RBM6: variants seen among roughly 807,000 people sequenced by gnomAD.
The protein encoded by RBM6 is RNA-binding protein 6.
Under a neutral mutation model 140.4 loss-of-function variants are expected in RBM6, and 23 were observed. That is an observed-to-expected ratio of 0.16 (90% CI 0.12 to 0.23). RBM6 has a LOEUF of 0.23. RBM6 is among the 10% of genes least tolerant of loss of function. The pLI is 1.00. For synonymous variants in RBM6, 439 were observed against 475.6 expected, an observed-to-expected ratio of 0.92 and a Z score of 1.00; for missense variants, 1,139 against 1,386.7, an observed-to-expected ratio of 0.82 and a Z score of 2.84.
In RBM6 at chr3:49,962,726, A is replaced by G. The variant is rs1252141909; in HGVS notation, c.44+41A>G. On this transcript the variant is annotated intron_variant, in intron 2 of 20. Transcript: ENST00000266022. ...TGAATATTGAAATTGCCAGTATTTT[A>G]ATTATAAATGTGTAACATTTTCGCC... The G allele has an allele frequency of 4.0e-6, 6 of 1,484,424 alleles. 1 individual carries two copies. Among genetic ancestry groups the G allele is most frequent in the Non-Finnish European group, 9.1e-7 (1 of 1,100,738 alleles). 92.0% of individuals were successfully genotyped at this position (1,484,424 alleles called of 1,614,324 possible). A position where few individuals can be genotyped will look rare whatever the true frequency, so the allele number is the denominator to read the frequency against.
intron 6 of RBM6, among the ~76,000 whole-genome samples, chr3:50,014,895 A>T (rs2108776928): frequency 6.6e-6 from 1 of 151,982 alleles, no homozygotes; most frequent in Admixed American, 6.6e-5. Context: ...AAAACAATAC[A>T]AAAATTAGCC....
In RBM6 at chr3:50,044,601, G is replaced by A. The variant is rs1402282444; in HGVS notation, c.1558-3644G>A. 3.3e-5 allele frequency among the ~76,000 whole-genome samples: 5 copies of A among 151,844 alleles called. No homozygotes were observed. In the East Asian group the frequency reaches 9.7e-4, roughly 29 times the overall value. ...CGTCTCAAAAAAAAAAAAAAAGAAT[G>A]GACATCTACTGAAGGTGATTGCATC... On this transcript the variant is annotated intron_variant, in intron 6 of 20. Coordinates refer to ENST00000266022, the MANE Select transcript of RBM6 (RefSeq NM_005777.3).
chr3:50,070,081 G>GTGCGGTGGCTCACACC (rs1225967553), intron 18 of RBM6, among the ~76,000 whole-genome samples: 3 of 152,150 alleles, frequency 2.0e-5, no homozygotes, highest in African/African-American at 7.2e-5. Context: ...ACAAGGCCGG[G>GTGCGGTGGCTCACACC]TGCGGTGGCT....
Position 50,070,508 on chromosome 3 carries a change from C to T in RBM6, c.3072C>T (p.Asp1024=). 6.2e-7 allele frequency: 1 copy of T among 1,614,074 alleles called. No homozygotes were observed. The highest frequency in any genetic ancestry group is 8.5e-7 in the Non-Finnish European group (1 of 1,179,946). Residue 1024 remains aspartate, a synonymous_variant, in exon 19 of 21, where the codon GAC becomes GAT. Transcript: ENST00000266022. ...GCAGGGAAAAGCTCCAGTCTTTTGACTCTCCAGAAAGGAAACGGATTAAGT... is the reference window on the plus strand; with the variant it reads ...GCAGGGAAAAGCTCCAGTCTTTTGATTCTCCAGAAAGGAAACGGATTAAGT... ...NDRREKLQSF[D]SPERKRIKYS...
intron 8 of RBM6, among the ~76,000 whole-genome samples, chr3:50,055,967 A>G (rs543149005): frequency 6.6e-6 from 1 of 152,316 alleles, no homozygotes; most frequent in East Asian, 1.9e-4. Context: ...GCATGACCAT[A>G]AAATATAGTT....
At chr3:50,039,691 GT>G (rs2088766579) in intron 6 of RBM6, among the ~76,000 whole-genome samples, 1 of 152,162 alleles carries the variant, frequency 6.6e-6, no homozygotes, top group South Asian at 2.1e-4. Flanking sequence ...CAGTTTTTCA[GT>G]TGTTCTGAGT....
intron 6 of RBM6, among the ~76,000 whole-genome samples, chr3:50,034,685 C>T (rs1257349171): frequency 2.0e-5 from 3 of 151,870 alleles, no homozygotes; most frequent in African/African-American, 4.8e-5. Flanking sequence ...TGCTTGAACC[C>T]GGGAGGCGGA....
chr3:49,965,669 C>CAA (rs764237339), intron 2 of RBM6, among the ~76,000 whole-genome samples: 3 of 107,970 alleles, frequency 2.8e-5, no homozygotes, highest in African/African-American at 3.5e-5. Context: ...GACTCCGTCT[C>CAA]AAAAAAAAAA....
intron 6 of RBM6, among the ~76,000 whole-genome samples, chr3:50,030,411 A>G (rs1389329733): frequency 6.6e-6 from 1 of 151,906 alleles, no homozygotes; most frequent in African/African-American, 2.4e-5. Flanking sequence ...TGACAGTAGG[A>G]CCTCTAGAAA....
intron 6 of RBM6, among the ~76,000 whole-genome samples, chr3:50,018,200 C>T (rs1361715075): frequency 6.6e-6 from 1 of 152,086 alleles, no homozygotes; most frequent in Non-Finnish European, 1.5e-5. Context: ...CTTGCAAACC[C>T]CTGCAACCAC....
intron 1 of RBM6, among the ~76,000 whole-genome samples, chr3:49,957,863 G>A (rs1166545155): frequency 6.9e-6 from 1 of 145,788 alleles, no homozygotes; most frequent in Non-Finnish European, 1.5e-5. Context: ...ATGGAGTCTC[G>A]CTCTTTCGCC....
At chr3:49,971,569 G>A (rs1170838782) in intron 3 of RBM6, among the ~76,000 whole-genome samples, 1 of 143,184 alleles carries the variant, frequency 7.0e-6, no homozygotes, top group Non-Finnish European at 1.5e-5. Context: ...CGGGGGTCTC[G>A]CTCTGTCACC....
intron 3 of RBM6, among the ~76,000 whole-genome samples, chr3:49,970,710 T>C (rs998219045): frequency 6.6e-6 from 1 of 152,150 alleles, no homozygotes; most frequent in Admixed American, 6.5e-5. Flanking sequence ...TTAAAGTAGA[T>C]TTGGCTGGGT....
chr3:50,051,377 C>T (rs1308608010), intron 7 of RBM6, among the ~76,000 whole-genome samples: 1 of 152,174 alleles, frequency 6.6e-6, no homozygotes, highest in South Asian at 2.1e-4. Flanking sequence ...TGTGGTGGCT[C>T]ACGCCTATAA....
intron 15 of RBM6, among the ~76,000 whole-genome samples, chr3:50,062,999 TCCTCCCACCTCAG>T (rs2089997684): frequency 6.6e-6 from 1 of 151,416 alleles, no homozygotes; most frequent in African/African-American, 2.4e-5. Flanking sequence ...GCTTAAGCAG[TCCTCCCACCTCAG>T]CCTCCCAAGT....
intron 5 of RBM6, chr3:49,981,443 A>G (rs2108673642): frequency 6.6e-6 from 1 of 152,318 alleles, no homozygotes; most frequent in Middle Eastern, 3.4e-3. Context: ...GATATTTTTA[A>G]TGTACCCTGA....
intron 4 of RBM6, among the ~76,000 whole-genome samples, chr3:49,975,005 A>AT (rs60771087): frequency 0.086 from 11,938 of 139,050 alleles, 524 homozygotes; most frequent in African/African-American, 0.11. Flanking sequence ...CTAATTAAGA[A>AT]TTTTTTTTTT....
At chr3:49,946,419 T>C (rs1249288982) in intron 1 of RBM6, among the ~76,000 whole-genome samples, 1 of 152,032 alleles carries the variant, frequency 6.6e-6, no homozygotes, top group Non-Finnish European at 1.5e-5. Flanking sequence ...TTTTGCATTT[T>C]AGTTGAGATG....
rs944228774 is a variant in RBM6, at chr3:49,956,324, C to A, written c.-66-6252C>A. On this transcript the variant is annotated intron_variant, in intron 1 of 20. Transcript: ENST00000266022. ...GCATTAGCCACTTTCTGCCCCCTCC[C>A]CCGCTTTTTTTTTTTTTTTTTTTTT... 2.0e-5 allele frequency among the ~76,000 whole-genome samples: 3 copies of A among 149,590 alleles called. No homozygotes were observed. The East Asian group carries it at 5.8e-4, about 29-fold the overall frequency.
Sources: allele counts gnomAD v4.1 joint callset (sites outside exome capture counted in the v4.1 genomes callset), GRCh38; gene constraint gnomAD v4.1.1; transcripts MANE v1.5; gene names NCBI Gene and HGNC (gene_info 2026-07-23, HGNC 2026-07-21).